CCM2: variants seen among roughly 807,000 people sequenced by gnomAD.
The protein encoded by CCM2 is CCM2 scaffold protein.
A neutral mutation model predicts 44.9 loss-of-function variants in CCM2; 25 were observed. That is an observed-to-expected ratio of 0.56 (90% CI 0.41 to 0.78). The LOEUF (loss-of-function observed/expected upper bound fraction) is 0.78. CCM2 is among the 30% of genes least tolerant of loss of function. The pLI, the probability that CCM2 is intolerant of heterozygous loss-of-function variation, is 0.00. For synonymous variants in CCM2, 219 were observed against 241.1 expected, an observed-to-expected ratio of 0.91 and a Z score of 0.85; for missense variants, 481 against 580.6, an observed-to-expected ratio of 0.83 and a Z score of 1.76.
At chr7:45,057,082 C>T (rs1322897098) in intron 2 of CCM2, among the ~76,000 whole-genome samples, 1 of 152,184 alleles carries the variant, frequency 6.6e-6, no homozygotes, top group Admixed American at 6.5e-5. Context: ...GTCTTTTCCC[C>T]ATTGAATGCT....
intron 1 of CCM2, among the ~76,000 whole-genome samples, chr7:45,035,758 G>T (rs976259463): frequency 2.0e-5 from 3 of 152,098 alleles, no homozygotes; most frequent in African/African-American, 7.2e-5. Context: ...AGGCTGTGAT[G>T]CTGGTCCAAC....
chr7:45,055,997 G>A (rs903803596), intron 2 of CCM2, among the ~76,000 whole-genome samples: 1 of 152,154 alleles, frequency 6.6e-6, no homozygotes, highest in African/African-American at 2.4e-5. Context: ...CTTCCATGTC[G>A]TAGCATGTGT....
At position 45,029,054 on chromosome 7, in the gene CCM2, C is replaced by T. The variant is rs143794820; in HGVS notation, c.31-9199C>T. On this transcript the variant is annotated intron_variant, in intron 1 of 9. Coordinates refer to ENST00000258781, the MANE Select transcript of CCM2 (RefSeq NM_031443.4). ...CCAGGTTCCACTGTCTTCTCAGACC[C>T]AGGCACTGAGTTTGGTGCCTCTTCC... is the stretch of plus-strand genomic sequence containing the variant. 6.2e-4 allele frequency among the ~76,000 whole-genome samples: 95 copies of T among 152,298 alleles called. No homozygotes were observed. In the East Asian group the frequency reaches 0.018, roughly 28 times the overall value.
chr7:45,019,059 CTT>C (rs34045609), intron 1 of CCM2, among the ~76,000 whole-genome samples: 127 of 93,292 alleles, frequency 1.4e-3, no homozygotes, highest in African/African-American at 5.2e-3. Flanking sequence ...TGCGCCTGGC[CTT>C]TTTTTTTTTT....
rs765327096 is a variant in CCM2 at position 45,038,438 on chromosome 7, T to C, written c.204+12T>C. 1.2e-6 allele frequency: 2 copies of C among 1,613,654 alleles called. No individual in the cohort carries two copies. Among genetic ancestry groups the C allele is most frequent in the African/African-American group, 1.3e-5 (1 of 74,918 alleles). Reference sequence around the variant, plus strand: ...AGAAGGAGGTAAAGGTAAGTCGTCATGGGCCACAGGACGTGCCTGCCAAAC... The same window carrying C: ...AGAAGGAGGTAAAGGTAAGTCGTCACGGGCCACAGGACGTGCCTGCCAAAC... On this transcript the variant is annotated intron_variant, in intron 2 of 9. Transcript: ENST00000258781.
intron 2 of CCM2, among the ~76,000 whole-genome samples, chr7:45,056,740 G>T (rs1489579573): frequency 2.6e-5 from 4 of 152,166 alleles, no homozygotes; most frequent in Admixed American, 1.3e-4. Flanking sequence ...TATCAGATAT[G>T]ATTGGAAACA....
intron 1 of CCM2, among the ~76,000 whole-genome samples, chr7:45,016,443 T>C (rs1432387562): frequency 3.4e-4 from 45 of 133,134 alleles, no homozygotes; most frequent in East Asian, 1.2e-3. Flanking sequence ...GATTCTCCTG[T>C]CTCAGCCTCC....
rs569874057 is a variant in CCM2 at position 45,054,453 on chromosome 7, G to C, written c.205-9465G>C. On this transcript the variant is annotated intron_variant, in intron 2 of 9. Transcript: ENST00000258781. ...CTTTATCAATCAAGGCCAATAAAGA[G>C]AAGTTATGGGGAGACTGATTTAGGA... Among the ~76,000 whole-genome samples the C allele has an allele frequency of 2.6e-5, 4 of 151,692 alleles. No individual in the cohort carries two copies. The East Asian group carries it at 7.7e-4, about 29-fold the overall frequency.
intron 1 of CCM2, among the ~76,000 whole-genome samples, chr7:45,021,427 G>A (rs1230881707): frequency 6.6e-6 from 1 of 151,844 alleles, no homozygotes; most frequent in Non-Finnish European, 1.5e-5. Context: ...AGCCAGGCAT[G>A]GTGACACATG....
intron 2 of CCM2, among the ~76,000 whole-genome samples, chr7:45,058,875 A>G (rs996095080): frequency 6.6e-6 from 1 of 150,692 alleles, no homozygotes; most frequent in Non-Finnish European, 1.5e-5. Flanking sequence ...CTGGGATTAC[A>G]GGCACCTGCC....
intron 1 of CCM2, among the ~76,000 whole-genome samples, chr7:45,017,906 G>GT (rs1322878298): frequency 6.6e-6 from 1 of 152,086 alleles, no homozygotes; most frequent in Non-Finnish European, 1.5e-5. Flanking sequence ...CTGACACATT[G>GT]TTTCACCTTT....
rs1411604455 is a variant in CCM2, at chr7:45,075,906, C to T, written c.1184C>T (p.Thr395Ile). The T allele has an allele frequency of 6.2e-7, 1 of 1,613,240 alleles. No individual in the cohort carries two copies. The highest frequency in any genetic ancestry group is 8.5e-7 in the Non-Finnish European group (1 of 1,180,032). ...AGGCACCGGCGGGCCCTGAGCACCACATCCAGTTCCACCACCAATGGGAAC... is the reference window on the plus strand; with the variant it reads ...AGGCACCGGCGGGCCCTGAGCACCATATCCAGTTCCACCACCAATGGGAAC... ...FGRHRRALST[T>I]SSSTTNGNRA... The change falls in exon 10 of 10, where the codon ACA becomes ATA. Residue 395 changes from threonine to isoleucine, a missense_variant. By Grantham distance (89) the Thr-to-Ile change is moderately conservative (BLOSUM62 -1). Coordinates refer to ENST00000258781, the MANE Select transcript of CCM2 (RefSeq NM_031443.4).
rs566399685 is a variant in CCM2, at chr7:45,059,473, G to C, written c.205-4445G>C. Among the ~76,000 whole-genome samples, 440 of 152,002 alleles carry C rather than the reference G, an allele frequency of 2.9e-3. 4 individuals carry two copies. The highest frequency in any genetic ancestry group is 0.01 in the African/African-American group (427 of 41,450). On this transcript the variant is annotated intron_variant, in intron 2 of 9. Coordinates refer to ENST00000258781, the MANE Select transcript of CCM2 (RefSeq NM_031443.4). ...AAAACAAAAAATACAGGCTGGGTGC[G>C]GTGGCTCATGCCTGTATTCCCAGCA... is the stretch of plus-strand genomic sequence containing the variant.
chr7:45,012,105 A>T (rs1796087154), intron 1 of CCM2, among the ~76,000 whole-genome samples: 1 of 147,636 alleles, frequency 6.8e-6, no homozygotes, highest in African/African-American at 2.5e-5. Context: ...GTTGTTAAGT[A>T]CATACACATT....
In CCM2 at chr7:45,037,375, G is replaced by A. The variant is rs114873224; in HGVS notation, c.31-878G>A. On this transcript the variant is annotated intron_variant, in intron 1 of 9. Coordinates refer to ENST00000258781, the MANE Select transcript of CCM2 (RefSeq NM_031443.4). ...TGCTGGATAGGGTGTGAAGTCATCA[G>A]AGTTAGGGGCTGGCCAGCTGCTGAT... 5.1e-3 allele frequency among the ~76,000 whole-genome samples: 758 copies of A among 149,282 alleles called. 10 individuals carry two copies. Among genetic ancestry groups the A allele is most frequent in the African/African-American group, 0.018 (729 of 40,792 alleles).
At chr7:45,041,256 T>C (rs1445578890) in intron 2 of CCM2, among the ~76,000 whole-genome samples, 1 of 152,218 alleles carries the variant, frequency 6.6e-6, no homozygotes, top group Non-Finnish European at 1.5e-5. Flanking sequence ...GAGGAATTGA[T>C]AATAAATCAT....
intron 2 of CCM2, among the ~76,000 whole-genome samples, chr7:45,060,572 T>C (rs1034003829): frequency 3.3e-5 from 5 of 152,250 alleles, no homozygotes; most frequent in African/African-American, 9.6e-5. Context: ...TCATTGCACA[T>C]ATGTTACACT....
intron 2 of CCM2, among the ~76,000 whole-genome samples, chr7:45,057,330 G>A (rs1471794095): frequency 2.0e-5 from 3 of 151,972 alleles, no homozygotes; most frequent in African/African-American, 4.8e-5. Context: ...ACCCGGCTAA[G>A]TTTTGTATTG....
intron 1 of CCM2, among the ~76,000 whole-genome samples, chr7:45,017,051 G>A (rs1236634876): frequency 6.6e-6 from 1 of 152,214 alleles, no homozygotes; most frequent in Non-Finnish European, 1.5e-5. Flanking sequence ...TTACAGGCGT[G>A]AGCCACTGCA....
Sources: gnomAD v4.1 joint callset for allele counts (sites outside exome capture counted in the v4.1 genomes callset) on GRCh38, gnomAD v4.1.1 for gene constraint, MANE v1.5 for transcripts, NCBI Gene and HGNC (gene_info 2026-07-23, HGNC 2026-07-21) for gene names.